Variants in OSBPL9 observed in about 807,000 individuals in gnomAD.
OSBPL9 encodes the protein oxysterol-binding protein-related protein 9.
A neutral mutation model predicts 106.6 loss-of-function variants in OSBPL9; 40 were observed. The observed-to-expected ratio is 0.38, with a 90% CI of 0.29 to 0.49. OSBPL9 has a LOEUF of 0.49. Among genes scored for constraint, OSBPL9 ranks in the 20% least tolerant of loss-of-function variants. OSBPL9 has a pLI of 0.97. For missense variants in OSBPL9, 609 were observed against 887.2 expected (o/e 0.69, Z 3.98); for synonymous variants, 269 against 295.4 (o/e 0.91, Z 0.92).
intron 3 of OSBPL9, among the ~76,000 whole-genome samples, chr1:51,706,464 T>A (rs1336453467): frequency 6.6e-6 from 1 of 152,116 alleles, no homozygotes; most frequent in Non-Finnish European, 1.5e-5. Flanking sequence ...ATGTTTGTGT[T>A]GTCTTCGTCC....
At chr1:51,759,208 G>C (rs771742559) in intron 9 of OSBPL9, among the ~76,000 whole-genome samples, 1 of 151,600 alleles carries the variant, frequency 6.6e-6, no homozygotes, top group African/African-American at 2.4e-5. Context: ...AACTATTTTA[G>C]TGACAAGAAT....
chr1:51,617,416 T>G (rs1644119441), intron 1 of OSBPL9, among the ~76,000 whole-genome samples, 195 bp downstream of exon 1: 2 of 152,066 alleles, frequency 1.3e-5, no homozygotes, highest in Admixed American at 6.5e-5. Flanking sequence ...GCGCAGCCAA[T>G]AAATAGAAAC....
At chr1:51,719,273 G>A (rs1661625384) in intron 4 of OSBPL9, among the ~76,000 whole-genome samples, 1 of 152,124 alleles carries the variant, frequency 6.6e-6, no homozygotes, top group East Asian at 1.9e-4. Context: ...TAAATTTGTT[G>A]TATGTCAGCT....
intron 8 of OSBPL9, among the ~76,000 whole-genome samples, chr1:51,751,120 C>T (rs1324918500): frequency 2.0e-5 from 3 of 152,154 alleles, no homozygotes. Context: ...GACAGTCTCG[C>T]TCTGTTGCCC....
chr1:51,550,619 G>C, the OSBPL9 span, among the ~76,000 whole-genome samples: 2 of 152,076 alleles, frequency 1.3e-5, no homozygotes, highest in South Asian at 4.1e-4. Flanking sequence ...TTCAAGCAAT[G>C]CTCCTGCCTC....
At chr1:51,611,230 G>T (rs1643985076) in intron 2 of OSBPL9, among the ~76,000 whole-genome samples, 1 of 150,538 alleles carries the variant, frequency 6.6e-6, no homozygotes. Flanking sequence ...TTGCTCTGTA[G>T]CTAGTGGAAA....
intron 4 of OSBPL9, among the ~76,000 whole-genome samples, chr1:51,721,599 T>G (rs1288903325): frequency 6.6e-6 from 1 of 152,236 alleles, no homozygotes; most frequent in Non-Finnish European, 1.5e-5. Flanking sequence ...CTGAGTAGAT[T>G]AATAAAAATC....
At chr1:51,553,742 C>CT in the OSBPL9 span, among the ~76,000 whole-genome samples, 1 of 151,846 alleles carries the variant, frequency 6.6e-6, no homozygotes, top group African/African-American at 2.4e-5. Flanking sequence ...TGCAATGGCG[C>CT]ATCTCGGCTC....
At chr1:51,577,738 C>A (rs1280791308) in intron 1 of OSBPL9, among the ~76,000 whole-genome samples, 6 of 152,204 alleles carry the variant, frequency 3.9e-5, no homozygotes, top group Non-Finnish European at 2.9e-5. Context: ...CATGCATCAT[C>A]TCATTGCATT....
chr1:51,741,452 C>T (rs541650073), intron 4 of OSBPL9, among the ~76,000 whole-genome samples: 1 of 147,538 alleles, frequency 6.8e-6, no homozygotes, highest in Non-Finnish European at 1.5e-5. Context: ...CTCTCCCTTC[C>T]TTCTTTCCTT....
At chr1:51,598,855 A>G (rs1645314780) in intron 2 of OSBPL9, among the ~76,000 whole-genome samples, 2 of 152,116 alleles carry the variant, frequency 1.3e-5, no homozygotes, top group South Asian at 4.1e-4. Context: ...TTAGCCGGGC[A>G]TGGTGGCGCA....
chr1:51,551,967 A>ATG, the OSBPL9 span, among the ~76,000 whole-genome samples: 10,008 of 145,082 alleles, frequency 0.069, 330 homozygotes, highest in Middle Eastern at 0.076. Flanking sequence ...GTGAATAGAA[A>ATG]TGTGTGTGTG....
chr1:51,697,219 A>G (rs1557701984), intron 3 of OSBPL9, among the ~76,000 whole-genome samples: 1 of 152,024 alleles, frequency 6.6e-6, no homozygotes, highest in Non-Finnish European at 1.5e-5. Flanking sequence ...ATACCTCACC[A>G]AACGATATAC....
chr1:51,557,101 C>T, the OSBPL9 span, among the ~76,000 whole-genome samples: 1 of 151,672 alleles, frequency 6.6e-6, no homozygotes, highest in Non-Finnish European at 1.5e-5. Context: ...TACTGTGTAC[C>T]CACAAAAACT....
chr1:51,597,327 G>A lies in OSBPL9; in HGVS notation c.-422-797G>A, dbSNP rs770637207. Among the ~76,000 whole-genome samples, 20 of 151,520 alleles carry A rather than the reference G, an allele frequency of 1.3e-4. No homozygotes were observed. The South Asian group carries it at 2.3e-3, about 17-fold the overall frequency. Reference sequence around the variant, plus strand: ...CTGCTGTGTGCTAAGTTGGGATGTCGGTGTATAATCAATCGGGATGTCAAG... The same window carrying A: ...CTGCTGTGTGCTAAGTTGGGATGTCAGTGTATAATCAATCGGGATGTCAAG... On this transcript the variant is annotated intron_variant, in intron 1 of 25. Transcript: ENST00000371714.
At chr1:51,664,051 T>C (rs1647802211) in intron 2 of OSBPL9, among the ~76,000 whole-genome samples, 1 of 152,210 alleles carries the variant, frequency 6.6e-6, no homozygotes. Flanking sequence ...ACAACCACTT[T>C]TGAGGACGAT....
chr1:51,737,927 G>A (rs1450043502), intron 4 of OSBPL9, among the ~76,000 whole-genome samples: 1 of 152,044 alleles, frequency 6.6e-6, no homozygotes, highest in Non-Finnish European at 1.5e-5. Flanking sequence ...TGGGATACTT[G>A]AGAGTGAAGG....
chr1:51,726,169 T>C (rs1315435878), intron 4 of OSBPL9, among the ~76,000 whole-genome samples: 1 of 152,234 alleles, frequency 6.6e-6, no homozygotes, highest in Non-Finnish European at 1.5e-5. Flanking sequence ...CCCATGGAGG[T>C]TGCCCCTTGT....
the OSBPL9 span, among the ~76,000 whole-genome samples, chr1:51,571,650 G>C: frequency 6.6e-6 from 1 of 152,172 alleles, no homozygotes; most frequent in African/African-American, 2.4e-5. Context: ...CTGGGTGACA[G>C]AGCAAGACCC....
Sources: allele counts gnomAD v4.1 joint callset (sites outside exome capture counted in the v4.1 genomes callset), GRCh38; gene constraint gnomAD v4.1.1; transcripts MANE v1.5; gene names NCBI Gene and HGNC (gene_info 2026-07-23, HGNC 2026-07-21).